CXXC1: variants seen among roughly 807,000 people sequenced by gnomAD.
CXXC1 encodes the protein CXXC finger protein 1.
A neutral mutation model predicts 83.6 loss-of-function variants in CXXC1; 21 were observed. The ratio of observed to expected loss-of-function variants is 0.25; its 90% CI spans 0.18 to 0.36. The LOEUF is 0.36. CXXC1 is among the 10% of genes least tolerant of loss of function. CXXC1 has a pLI of 1.00. For missense variants in CXXC1, 688 were observed against 919.5 expected (o/e 0.75, Z 3.26); for synonymous variants, 371 against 337.5 (o/e 1.10, Z -1.09).
rs2040708770 is a variant in CXXC1 at position 50,286,094 on chromosome 18, C to T, written c.387G>A (p.Gly129=). The T allele has an allele frequency of 1.9e-6, 3 of 1,614,004 alleles. No homozygotes were observed. Among genetic ancestry groups the T allele is most frequent in the Non-Finnish European group, 8.5e-7 (1 of 1,179,982 alleles). Residue 129 remains glycine, a synonymous_variant, in exon 4 of 15, where the codon GGG becomes GGA. Coordinates refer to ENST00000285106, the MANE Select transcript of CXXC1 (RefSeq NM_014593.4). The part of the protein sequence containing the change: ...QRRAGSGTGV[G]AMLARGSASP... ...AAGCAGAGCCCCGAGCAAGCATGGCCCCAACCCCTGTCCCTGACCCTGCCC... is the reference window on the plus strand; with the variant it reads ...AAGCAGAGCCCCGAGCAAGCATGGCTCCAACCCCTGTCCCTGACCCTGCCC...
chr18:50,284,941 G>A (rs1007048540), intron 7 of CXXC1, 61 bp downstream of exon 7: 3 of 1,612,556 alleles, frequency 1.9e-6, no homozygotes, highest in Non-Finnish European at 2.5e-6. Context: ...CTCCTCATTA[G>A]GGATACTCTC....
chr18:50,283,607 T>C, intron 11 of CXXC1, 43 bp from the exon 12 acceptor site: 1 of 1,611,684 alleles, frequency 6.2e-7, no homozygotes, highest in Non-Finnish European at 8.5e-7. Context: ...GGATGTGCGC[T>C]GCATGCCCTC....
intron 11 of CXXC1, 27 bp downstream of exon 11, chr18:50,283,678 T>C (rs1179687034): frequency 1.2e-6 from 2 of 1,611,586 alleles, no homozygotes; most frequent in East Asian, 2.2e-5. Context: ...TCCCACATGG[T>C]CCGCCCCCTC....
rs778445458 is a variant in CXXC1 at position 50,282,767 on chromosome 18, G to A, written c.1825-28C>T. 1 of 1,612,228 alleles carries A rather than the reference G, an allele frequency of 6.2e-7. No individual in the cohort carries two copies. The highest frequency in any genetic ancestry group is 2.2e-5 in the East Asian group (1 of 44,854). ...GCCAAGGGAGCGGCAGGAGTCCTAA[G>A]CAGGAACACCTGCAGCCCCGCCTGC... On this transcript the variant is annotated intron_variant, in intron 14 of 14. Coordinates refer to ENST00000285106, the MANE Select transcript of CXXC1 (RefSeq NM_014593.4). This position sits in a 1 kb window ranked among gnomAD's most constrained non-coding sequence, Gnocchi z 5.8.
At chr18:50,286,388 G>A in intron 3 of CXXC1, 131 bp from the exon 4 acceptor site, 2 of 1,062,522 alleles carry the variant, frequency 1.9e-6, no homozygotes, top group East Asian at 2.4e-5. Context: ...GGGCAGAGCT[G>A]CCTCTTCCCG....
rs2040707879 is a variant in CXXC1 at position 50,286,059 on chromosome 18, T to A, written c.422A>T (p.Lys141Ile). 1 of 1,613,992 alleles carries A rather than the reference T, an allele frequency of 6.2e-7. No homozygotes were observed. The highest frequency in any genetic ancestry group is 8.5e-7 in the Non-Finnish European group (1 of 1,179,952). ...GGCCACCAAGGGCTGCGGAGAGGAT[T>A]TGTGGGGCGAAGCAGAGCCCCGAGC... is the stretch of plus-strand genomic sequence containing the variant. The part of the protein sequence containing the change: ...MLARGSASPH[K>I]SSPQPLVATP... Residue 141 changes from lysine to isoleucine, a missense_variant, in exon 4 of 15, where the codon AAA becomes ATA. Physicochemically the swap from Lys to Ile is moderately radical, Grantham distance 102 (BLOSUM62 -3). Around this residue, in one of 9 missense-constraint regions of CXXC1, gnomAD observed 142 missense variants for 150.7 expected, o/e 0.94. Transcript: ENST00000285106.
In CXXC1 at chr18:50,284,483, T is replaced by C; in HGVS notation, c.1100A>G (p.Lys367Arg). The change falls in exon 9 of 15, where the codon AAG becomes AGG. Residue 367 changes from lysine (K) to arginine (R), a missense_variant. By Grantham distance (26) the Lys-to-Arg change is conservative. Coordinates refer to ENST00000285106, the MANE Select transcript of CXXC1 (RefSeq NM_014593.4). ...KWKHPERADAKDPASLPQCLG... is the reference protein window; with the variant it reads ...KWKHPERADARDPASLPQCLG... ...GCACTGGGGCAGTGACGCAGGGTCC[T>C]TGGCATCAGCCCTCTCTGGGTGTTT... 1 of 1,610,136 alleles carries C rather than the reference T, an allele frequency of 6.2e-7. No individual in the cohort carries two copies. Among genetic ancestry groups the C allele is most frequent in the Non-Finnish European group, 8.5e-7 (1 of 1,178,074 alleles).
chr18:50,285,140 C>T lies in CXXC1; in HGVS notation c.774G>A (p.Glu258=). 1.9e-6 allele frequency: 3 copies of T among 1,614,244 alleles called. No homozygotes were observed. Among genetic ancestry groups the T allele is most frequent in the Non-Finnish European group, 2.5e-6 (3 of 1,180,038 alleles). ...TGACTGTTGATGACGCCACTGCCCC[C>T]TCATCTTCACGGATGCGCCCTAACT... ...SQKLGRIRED[E]GAVASSTVKE... Residue 258 remains glutamate, a synonymous_variant, in exon 7 of 15, where the codon GAG becomes GAA. Transcript: ENST00000285106. This position sits in a 1 kb window ranked among gnomAD's most constrained non-coding sequence, Gnocchi z 4.4.
rs911044146 is a variant in CXXC1 at position 50,282,606 on chromosome 18, C to A, written c.1958G>T (p.Ser653Ile). 33 of 1,609,970 alleles carry A rather than the reference C, an allele frequency of 2.0e-5. No individual in the cohort carries two copies. Among genetic ancestry groups the A allele is most frequent in the Non-Finnish European group, 2.5e-5 (30 of 1,180,016 alleles). The change falls in exon 15 of 15, where the codon AGT becomes ATT. Residue 653 changes from serine to isoleucine, a missense_variant. Physicochemically the swap from Ser to Ile is moderately radical, Grantham distance 142 (BLOSUM62 -2). This residue lies in a region of CXXC1 where 34 missense variants were observed against 27.0 expected (regional missense o/e 1.26). Transcript: ENST00000285106. The surrounding 1 kb of genome is among the most constrained non-coding windows in gnomAD (Gnocchi z 5.8). The part of the protein sequence containing the change: ...HDPLTTDLRS[S>I]ADR ...GGGCCAGGAGGCTCAGCGGTCGGCA[C>A]TGGAGCGCAGGTCGGTAGTGAGGGG...
chr18:50,284,129 T>A lies in CXXC1; in HGVS notation c.1206-28A>T, dbSNP rs190911438. On this transcript the variant is annotated intron_variant, in intron 9 of 14. Transcript: ENST00000285106. ...GCAGGGAAGGTAGCAAGCAACAGAA[T>A]GAGTGAGGTGATCAGTAAGTGAGAA... The A allele has an allele frequency of 7.3e-3, 11,538 of 1,589,188 alleles. 53 individuals carry two copies. The highest frequency in any genetic ancestry group is 8.4e-3 in the Non-Finnish European group (9,780 of 1,168,042).
chr18:50,285,359 G>A lies in CXXC1; in HGVS notation c.640-8C>T, dbSNP rs375977156. The A allele has an allele frequency of 1.3e-5, 21 of 1,587,146 alleles. No individual in the cohort carries two copies. The highest frequency in any genetic ancestry group is 1.7e-4 in the Middle Eastern group (1 of 5,722). On this transcript the variant is annotated splice_polypyrimidine_tract_variant and splice_region_variant and intron_variant, in intron 5 of 14. Transcript: ENST00000285106. This position sits in a 1 kb window ranked among gnomAD's most constrained non-coding sequence, Gnocchi z 4.4. ...GAAGTACTTGTACGATTCCTGTGCCGGCAGGAGGAAGGCCCAGGTCAGCCC... is the reference window on the plus strand; with the variant it reads ...GAAGTACTTGTACGATTCCTGTGCCAGCAGGAGGAAGGCCCAGGTCAGCCC...
chr18:50,285,434 C>A lies in CXXC1; in HGVS notation c.640-83G>T, dbSNP rs1419038819. 21 of 1,477,146 alleles carry A rather than the reference C, an allele frequency of 1.4e-5. No homozygotes were observed. Among genetic ancestry groups the A allele is most frequent in the Non-Finnish European group, 1.9e-5 (21 of 1,104,712 alleles). The allele number at this position is 1,477,146 out of a possible 1,614,324, so 91.5% of individuals were successfully genotyped here. A position where few individuals can be genotyped will look rare whatever the true frequency, so the allele number is the denominator to read the frequency against. ...CCTAGCCCTACCCACCTGGCCTGGC[C>A]TTACCTCCCCAGACACACCTCCCCG... On this transcript the variant is annotated intron_variant, in intron 5 of 14. Transcript: ENST00000285106. The surrounding 1 kb of genome is among the most constrained non-coding windows in gnomAD (Gnocchi z 4.4).
chr18:50,283,838 T>C, intron 10 of CXXC1, 23 bp from the exon 11 acceptor site: 1 of 1,613,924 alleles, frequency 6.2e-7, no homozygotes. Flanking sequence ...GAAGGAACAA[T>C]AAGGCTGGGA....
chr18:50,283,799 C>T lies in CXXC1; in HGVS notation c.1430G>A (p.Ser477Asn). The T allele has an allele frequency of 6.2e-7, 1 of 1,614,244 alleles. No homozygotes were observed. The highest frequency in any genetic ancestry group is 8.5e-7 in the Non-Finnish European group (1 of 1,180,020). Residue 477 changes from serine to asparagine, a missense_variant, in exon 11 of 15, where the codon AGT becomes AAT. By Grantham distance (46) the Ser-to-Asn change is conservative. This residue lies in a region of CXXC1 where 19 missense variants were observed against 64.1 expected (regional missense o/e 0.30). Coordinates refer to ENST00000285106, the MANE Select transcript of CXXC1 (RefSeq NM_014593.4). ...GAAGATCTGCAGGTCTGTGTCATCA[C>T]TGTCACCCTCGTTGCTCTGCATGGA... ...REDEESNEGD[S>N]DDTDLQIFCV...
At position 50,286,787 on chromosome 18, in the gene CXXC1, C is replaced by A. The variant is rs375253589; in HGVS notation, c.75G>T (p.Ala25=). Residue 25 remains alanine (A), a synonymous_variant, in exon 2 of 15, where the codon GCG becomes GCT. Coordinates refer to ENST00000285106, the MANE Select transcript of CXXC1 (RefSeq NM_014593.4). The stretch of plus-strand genomic sequence containing the variant: ...GTTTGCGGCAGATGCAGTAGATGGG[C>A]GCATTCTCCCCATTCTCGGACTTGC... ...EDSKSENGEN[A]PIYCICRKPD... is the part of the protein sequence containing the mutation. 86 of 1,613,988 alleles carry A rather than the reference C, an allele frequency of 5.3e-5. No homozygotes were observed. The highest frequency in any genetic ancestry group is 6.9e-5 in the Non-Finnish European group (81 of 1,180,010).
intron 3 of CXXC1, 28 bp from the exon 4 acceptor site, chr18:50,286,285 G>C (rs759182801): frequency 6.4e-7 from 1 of 1,562,368 alleles, no homozygotes; most frequent in Admixed American, 1.8e-5. Context: ...GGGCCAAAGT[G>C]AGTGAGCACT....
Position 50,284,608 on chromosome 18 carries a change from C to T in CXXC1, c.1021-46G>A, listed in dbSNP as rs1399249619. 3.8e-6 allele frequency: 6 copies of T among 1,584,674 alleles called. No individual in the cohort carries two copies. The Admixed American group carries it at 1.0e-4, about 27-fold the overall frequency. ...GGTCAGGGTGGAGTCAAAGTCAGCC[C>T]CAGACCCCAGACCCTTGCTCCATTC... is the stretch of plus-strand genomic sequence containing the variant. On this transcript the variant is annotated intron_variant, in intron 8 of 14. Coordinates refer to ENST00000285106, the MANE Select transcript of CXXC1 (RefSeq NM_014593.4).
rs1432344643 is a variant in CXXC1 at position 50,285,500 on chromosome 18, G to A, written c.640-149C>T. The A allele has an allele frequency of 1.2e-5, 13 of 1,095,748 alleles. No homozygotes were observed. The highest frequency in any genetic ancestry group is 1.3e-5 in the Non-Finnish European group (10 of 774,128). 67.9% of individuals were successfully genotyped at this position (1,095,748 alleles called of 1,614,324 possible). On this transcript the variant is annotated intron_variant, in intron 5 of 14. Coordinates refer to ENST00000285106, the MANE Select transcript of CXXC1 (RefSeq NM_014593.4). This position sits in a 1 kb window ranked among gnomAD's most constrained non-coding sequence, Gnocchi z 4.4. ...AGGAATGCTCAGCCCTGCCTGATCT[G>A]TACCAACATGCATGACCACCTGAAA...
At position 50,282,546 on chromosome 18, in the gene CXXC1, G is replaced by C; in HGVS notation, c.*47C>G. The C allele has an allele frequency of 6.3e-7, 1 of 1,594,816 alleles. No homozygotes were observed. On this transcript the variant is annotated 3_prime_UTR_variant, in exon 15 of 15. Coordinates refer to ENST00000285106, the MANE Select transcript of CXXC1 (RefSeq NM_014593.4). This position sits in a 1 kb window ranked among gnomAD's most constrained non-coding sequence, Gnocchi z 5.8. Reference sequence around the variant, plus strand: ...GGAACGGACACACGGGCACCGGGCGGCTCCCCCATCTGGAATGCAGGGTGT... The same window carrying C: ...GGAACGGACACACGGGCACCGGGCGCCTCCCCCATCTGGAATGCAGGGTGT...
Sources: gnomAD v4.1 joint callset for allele counts on GRCh38, gnomAD v4.1.1 for gene constraint, gnomAD v4.1.1 regional missense constraint, Gnocchi (gnomAD v3.1) non-coding constraint, MANE v1.5 for transcripts, NCBI Gene and HGNC (gene_info 2026-07-23, HGNC 2026-07-21) for gene names.